Variants in GCN1 observed in about 807,000 individuals in gnomAD.
GCN1 encodes the protein GCN1 activator of EIF2AK4, also known as stalled ribosome sensor GCN1.
GCN1 carries 90 observed loss-of-function variants against 288.4 expected under a neutral mutation model. That is an observed-to-expected ratio of 0.31 (90% confidence interval 0.26 to 0.37). GCN1 has a LOEUF of 0.37. GCN1 is among the 10% of genes least tolerant of loss of function. The pLI is 1.00. For missense variants in GCN1, 2,586 were observed against 3,419.9 expected, an observed-to-expected ratio of 0.76 and a Z score of 6.08; for synonymous variants, 1,386 against 1,420.2, an observed-to-expected ratio of 0.98 and a Z score of 0.54.
At chr12:120,167,345 T>G (rs1594279637) in intron 16 of GCN1, among the ~76,000 whole-genome samples, 1 of 99,462 alleles carries the variant, frequency 1.0e-5, no homozygotes, top group African/African-American at 4.2e-5. Context: ...AGAACGAAAC[T>G]CCATCTCAAA....
chr12:120,162,062 C>T lies in GCN1; in HGVS notation c.2164-4G>A. 6.2e-7 allele frequency: 1 copy of T among 1,611,384 alleles called. No individual in the cohort carries two copies. The highest frequency in any genetic ancestry group is 8.5e-7 in the Non-Finnish European group (1 of 1,179,754). On this transcript the variant is annotated splice_polypyrimidine_tract_variant and splice_region_variant and intron_variant, in intron 20 of 57. Coordinates refer to ENST00000300648, the MANE Select transcript of GCN1 (RefSeq NM_006836.2). Reference sequence around the variant, plus strand: ...AGCCCATGGCATTCATGGAGGACTGCCAGACAAACGCAGACATGGTCAGTG... The same window carrying T: ...AGCCCATGGCATTCATGGAGGACTGTCAGACAAACGCAGACATGGTCAGTG...
chr12:120,183,165 T>C (rs904436430), intron 5 of GCN1, among the ~76,000 whole-genome samples: 1 of 152,088 alleles, frequency 6.6e-6, no homozygotes, highest in African/African-American at 2.4e-5. Context: ...AGTTCAACAC[T>C]GAAATCAAAC....
chr12:120,145,147 G>C lies in GCN1; in HGVS notation c.5017-86C>G, dbSNP rs1260668861. On this transcript the variant is annotated intron_variant, in intron 39 of 57. Transcript: ENST00000300648. ...CATGGGAGCAGGAAGGGGCACCGAG[G>C]GCCTCTTTCTCTTTACCCAACAGAC... The C allele has an allele frequency of 3.2e-6, 5 of 1,567,100 alleles. No homozygotes were observed. The African/African-American group carries it at 4.1e-5, about 13-fold the overall frequency.
chr12:120,153,287 G>T lies in GCN1; in HGVS notation c.3988C>A (p.Leu1330Met), dbSNP rs1877629438. Reference protein sequence around the residue: ...VVLMGSLAKHLDKSDPKVKPI... With the variant: ...VVLMGSLAKHMDKSDPKVKPI... ...TTCACTTTGGGGTCACTCTTGTCCA[G>T]GTGCTTGGCCAGAGAGCCCATCAGG... The change falls in exon 33 of 58, where the codon CTG becomes ATG. Residue 1330 changes from leucine to methionine, a missense_variant. Coordinates refer to ENST00000300648, the MANE Select transcript of GCN1 (RefSeq NM_006836.2). This position sits in a 1 kb window ranked among gnomAD's most constrained non-coding sequence, Gnocchi z 4.4. 1 of 1,614,220 alleles carries T rather than the reference G, an allele frequency of 6.2e-7. No individual in the cohort carries two copies. The highest frequency in any genetic ancestry group is 1.7e-5 in the Admixed American group (1 of 60,026).
chr12:120,167,138 G>A (rs1230964195), intron 16 of GCN1, among the ~76,000 whole-genome samples: 1 of 151,406 alleles, frequency 6.6e-6, no homozygotes, highest in African/African-American at 2.4e-5. Flanking sequence ...TCGGGAGTTC[G>A]AGACCAGCCT....
At position 120,160,334 on chromosome 12, in the gene GCN1, T is replaced by C. The variant is rs1457070476; in HGVS notation, c.2437-79A>G. On this transcript the variant is annotated intron_variant, in intron 22 of 57. Coordinates refer to ENST00000300648, the MANE Select transcript of GCN1 (RefSeq NM_006836.2). ...CCCCAACAGAGGAAGGTGAGCTTGCTTCCACACAAACAGCACCATACCAGC... is the reference window on the plus strand; with the variant it reads ...CCCCAACAGAGGAAGGTGAGCTTGCCTCCACACAAACAGCACCATACCAGC... The C allele has an allele frequency of 4.9e-6, 5 of 1,011,968 alleles. No individual in the cohort carries two copies. In the South Asian group the frequency reaches 5.3e-5, roughly 11 times the overall value. The allele number at this position is 1,011,968 out of a possible 1,614,324, so 62.7% of individuals were successfully genotyped here. A position where few individuals can be genotyped will look rare whatever the true frequency, so the allele number is the denominator to read the frequency against.
intron 5 of GCN1, among the ~76,000 whole-genome samples, chr12:120,180,132 C>A (rs1014370290): frequency 2.6e-5 from 4 of 152,036 alleles, no homozygotes; most frequent in African/African-American, 7.2e-5. Flanking sequence ...CATGGAGAAA[C>A]CTCATCTCTA....
chr12:120,189,092 C>T (rs554523853), intron 2 of GCN1, among the ~76,000 whole-genome samples: 29 of 152,146 alleles, frequency 1.9e-4, no homozygotes, highest in Middle Eastern at 6.8e-3. Flanking sequence ...TTATTTGAGA[C>T]GGAGTCTTGC....
rs1877925717 is a variant in GCN1, at chr12:120,161,507, C to T, written c.2419G>A (p.Glu807Lys). ...GTACTCACCTCCTTCAGCTCCAGCT[C>T]GATGATCTGCTCTTTGAAGGAATAA... is the stretch of plus-strand genomic sequence containing the variant. ...KAYSFKEQII[E>K]LELKEEIKKK... Residue 807 changes from glutamate (E) to lysine (K), a missense_variant, in exon 22 of 58, where the codon GAG (glutamate) becomes AAG (lysine). Coordinates refer to ENST00000300648, the MANE Select transcript of GCN1 (RefSeq NM_006836.2). 1.9e-6 allele frequency: 3 copies of T among 1,612,902 alleles called. No individual in the cohort carries two copies. The highest frequency in any genetic ancestry group is 2.5e-6 in the Non-Finnish European group (3 of 1,178,906).
At position 120,132,210 on chromosome 12, in the gene GCN1, A is replaced by G. The variant is rs139555384; in HGVS notation, c.7318-188T>C. Among the ~76,000 whole-genome samples, 959 of 152,364 alleles carry G rather than the reference A, an allele frequency of 6.3e-3. 21 individuals carry two copies. Among genetic ancestry groups the G allele is most frequent in the African/African-American group, 0.022 (916 of 41,590 alleles). On this transcript the variant is annotated intron_variant, in intron 53 of 57. Coordinates refer to ENST00000300648, the MANE Select transcript of GCN1 (RefSeq NM_006836.2). ...CCTGCCAGATTGGGCTGCCACTGGT[A>G]TGGAGTTAAACATTACACAGCCAGC...
At chr12:120,169,900 TCC>T (rs745637197) in intron 15 of GCN1, among the ~76,000 whole-genome samples, 3 of 152,112 alleles carry the variant, frequency 2.0e-5, no homozygotes, top group Non-Finnish European at 4.4e-5. Flanking sequence ...AAACAAACAG[TCC>T]CAATACTAAA....
At chr12:120,148,134 G>A (rs367635463) in intron 37 of GCN1, 33 bp downstream of exon 37, 135 of 1,559,966 alleles carry the variant, frequency 8.7e-5, no homozygotes, top group Non-Finnish European at 9.8e-5. Flanking sequence ...TTGGTGGGAG[G>A]TCAGGGCAAG....
intron 16 of GCN1, among the ~76,000 whole-genome samples, chr12:120,165,742 A>G (rs1191537507): frequency 1.3e-5 from 2 of 151,620 alleles, no homozygotes; most frequent in Non-Finnish European, 2.9e-5. Context: ...TCAAGGTGCT[A>G]GGATTACAGG....
At chr12:120,180,188 C>G (rs1878606172) in intron 5 of GCN1, among the ~76,000 whole-genome samples, 1 of 152,140 alleles carries the variant, frequency 6.6e-6, no homozygotes, top group Non-Finnish European at 1.5e-5. Context: ...TGCCTGTAAC[C>G]AAGCTACTCG....
intron 26 of GCN1, 156 bp from the exon 27 acceptor site, chr12:120,157,148 C>A (rs1877776106): frequency 1.7e-6 from 1 of 585,460 alleles, no homozygotes; most frequent in Admixed American, 3.0e-5. Flanking sequence ...ACTAGGTCCA[C>A]AGGTGCTAAC....
At chr12:120,150,418 A>C (rs748371522) in intron 34 of GCN1, among the ~76,000 whole-genome samples, 4 of 151,044 alleles carry the variant, frequency 2.6e-5, no homozygotes, top group Admixed American at 6.6e-5. Context: ...AACATGGTGA[A>C]ACCCTGTCTC....
At chr12:120,177,007 C>T (rs1191840246) in intron 9 of GCN1, among the ~76,000 whole-genome samples, 1 of 152,198 alleles carries the variant, frequency 6.6e-6, no homozygotes, top group Non-Finnish European at 1.5e-5. Flanking sequence ...CTCAGGTGAT[C>T]TACCTGCCTC....
In GCN1 at chr12:120,156,871, C is replaced by T. The variant is rs74720805; in HGVS notation, c.3168+41G>A. ...ACACTGGGACTTGAGGTCTGGGTCA[C>T]GAACTGAGTCACAGCAACAGCCAAC... On this transcript the variant is annotated intron_variant, in intron 27 of 57. Transcript: ENST00000300648. The surrounding 1 kb of genome is among the most constrained non-coding windows in gnomAD (Gnocchi z 5.8). The T allele has an allele frequency of 7.9e-4, 1,071 of 1,356,756 alleles. 7 individuals are homozygous for T. In the African/African-American group the frequency reaches 0.013, roughly 16 times the overall value. 84.0% of individuals were successfully genotyped at this position (1,356,756 alleles called of 1,614,324 possible). A position where few individuals can be genotyped will look rare whatever the true frequency, so the allele number is the denominator to read the frequency against.
chr12:120,168,925 T>G (rs1878219644), intron 15 of GCN1, among the ~76,000 whole-genome samples: 1 of 152,136 alleles, frequency 6.6e-6, no homozygotes, highest in African/African-American at 2.4e-5. Context: ...CGATATTACA[T>G]GAGGAGAGCT....
Sources: gnomAD v4.1 joint callset for allele counts (sites outside exome capture counted in the v4.1 genomes callset) on GRCh38, gnomAD v4.1.1 for gene constraint, Gnocchi (gnomAD v3.1) non-coding constraint, MANE v1.5 for transcripts, NCBI Gene and HGNC (gene_info 2026-07-23, HGNC 2026-07-21) for gene names.